Variants in ZNRF2 observed in about 807,000 individuals in gnomAD.
The protein encoded by ZNRF2 is E3 ubiquitin-protein ligase ZNRF2.
In ZNRF2, 16 loss-of-function variants were observed where a neutral mutation model predicts 20.4. The ratio of observed to expected loss-of-function variants is 0.79; its 90% confidence interval spans 0.53 to 1.19. The LOEUF is 1.19. ZNRF2 is among the 50% of genes most tolerant of loss of function. The pLI is 0.00. For missense variants in ZNRF2, 363 were observed against 332.4 expected (o/e 1.09, Z -0.72); for synonymous variants, 178 against 144.9 (o/e 1.23, Z -1.64).
chr7:30,329,437 C>A (rs1799603018), intron 2 of ZNRF2, among the ~76,000 whole-genome samples: 1 of 152,046 alleles, frequency 6.6e-6, no homozygotes, highest in South Asian at 2.1e-4. Flanking sequence ...TCTTTATATC[C>A]CCCTTCCCCA....
chr7:30,287,921 T>A lies in ZNRF2; in HGVS notation c.469+2095T>A, dbSNP rs570514129. 1.5e-3 allele frequency among the ~76,000 whole-genome samples: 226 copies of A among 152,318 alleles called. 1 individual carries two copies. Among genetic ancestry groups the A allele is most frequent in the African/African-American group, 4.6e-3 (193 of 41,538 alleles). ...ATGAGGAACCTCAGTTGAGAATTGC[T>A]GGAAAGACATCAGAGAAATTACCTG... On this transcript the variant is annotated intron_variant, in intron 1 of 4. Coordinates refer to ENST00000323037, the MANE Select transcript of ZNRF2 (RefSeq NM_147128.4).
In ZNRF2 at chr7:30,285,357, C is replaced by A. The variant is rs1410119827; in HGVS notation, c.-1C>A. On this transcript the variant is annotated 5_prime_UTR_variant, in exon 1 of 5. Coordinates refer to ENST00000323037, the MANE Select transcript of ZNRF2 (RefSeq NM_147128.4). ...CGGGCCCGGCCCGGGGCAGGGCGGA[C>A]ATGGGCGCCAAACAGAGCGGCCCGG... 4 of 1,179,638 alleles carry A rather than the reference C, an allele frequency of 3.4e-6. No individual in the cohort carries two copies. The East Asian group carries it at 1.7e-4, about 49-fold the overall frequency. 73.1% of individuals were successfully genotyped at this position (1,179,638 alleles called of 1,614,324 possible).
intron 4 of ZNRF2, among the ~76,000 whole-genome samples, chr7:30,364,053 C>T (rs1025422575): frequency 6.6e-6 from 1 of 152,152 alleles, no homozygotes; most frequent in African/African-American, 2.4e-5. Flanking sequence ...AGGTCTAGTC[C>T]TGTGTGGTAC....
Position 30,285,567 on chromosome 7 carries a change from G to GGCCCCGGCA in ZNRF2, c.219_227dup (p.Ala76_Pro78dup), listed in dbSNP as rs982211237. 61 of 978,366 alleles carry GGCCCCGGCA rather than the reference G, an allele frequency of 6.2e-5. No homozygotes were observed. The highest frequency in any genetic ancestry group is 1.0e-3 in the Middle Eastern group (2 of 1,920). 60.6% of individuals were successfully genotyped at this position (978,366 alleles called of 1,614,324 possible). A position where few individuals can be genotyped will look rare whatever the true frequency, so the allele number is the denominator to read the frequency against. ...CCGGCGGCGCCGCGGCGGCCGCGGC[G>GGCCCCGGCA]GCCCCGGCAGCCCCGGCGGCCCCGC... On this transcript the variant is annotated inframe_insertion, in exon 1 of 5. Transcript: ENST00000323037.
At position 30,297,867 on chromosome 7, in the gene ZNRF2, A is replaced by G. The variant is rs201136775; in HGVS notation, c.469+12041A>G. Among the ~76,000 whole-genome samples, 41 of 148,142 alleles carry G rather than the reference A, an allele frequency of 2.8e-4. No individual in the cohort carries two copies. In the East Asian group the frequency reaches 7.7e-3, roughly 28 times the overall value. On this transcript the variant is annotated intron_variant, in intron 1 of 4. Transcript: ENST00000323037. Reference sequence around the variant, plus strand: ...GTTCTTTTTTTCTCTTGAGGGATTTATTTATTTATTTAAAGACAAGGTCTC... The same window carrying G: ...GTTCTTTTTTTCTCTTGAGGGATTTGTTTATTTATTTAAAGACAAGGTCTC...
At position 30,285,322 on chromosome 7, in the gene ZNRF2, G is replaced by A. The variant is rs1435674723; in HGVS notation, c.-36G>A. The A allele has an allele frequency of 1.2e-5, 13 of 1,073,982 alleles. No homozygotes were observed. The highest frequency in any genetic ancestry group is 1.3e-5 in the Non-Finnish European group (12 of 890,742). 66.5% of individuals were successfully genotyped at this position (1,073,982 alleles called of 1,614,324 possible). Reference sequence around the variant, plus strand: ...CGCTCCCGCCCTCCCGGCTCTCGGGGCGCAGCGCGCGGGCCCGGCCCGGGG... The same window carrying A: ...CGCTCCCGCCCTCCCGGCTCTCGGGACGCAGCGCGCGGGCCCGGCCCGGGG... On this transcript the variant is annotated 5_prime_UTR_variant, in exon 1 of 5. Coordinates refer to ENST00000323037, the MANE Select transcript of ZNRF2 (RefSeq NM_147128.4).
chr7:30,288,714 G>A (rs1398416788), intron 1 of ZNRF2: 1 of 152,200 alleles, frequency 6.6e-6, no homozygotes, highest in Non-Finnish European at 1.5e-5. Flanking sequence ...ATTTATATAG[G>A]AGTTTTTAGG....
chr7:30,297,014 G>A (rs1799030851), intron 1 of ZNRF2, among the ~76,000 whole-genome samples: 1 of 152,188 alleles, frequency 6.6e-6, no homozygotes, highest in African/African-American at 2.4e-5. Context: ...TATTTTAGTT[G>A]TGAAGTGTAC....
At chr7:30,340,308 G>A (rs1799775079) in intron 2 of ZNRF2, among the ~76,000 whole-genome samples, 1 of 152,208 alleles carries the variant, frequency 6.6e-6, no homozygotes, top group African/African-American at 2.4e-5. Context: ...GTGAGAGAGA[G>A]CATCCTTGTC....
rs1468987960 is a variant in ZNRF2 at position 30,285,707 on chromosome 7, T to G, written c.350T>G (p.Val117Gly). The change falls in exon 1 of 5, where the codon GTG (valine) becomes GGG (glycine). Residue 117 changes from valine to glycine, a missense_variant. By Grantham distance (109) the Val-to-Gly change is moderately radical. Transcript: ENST00000323037. ...GGCCCGTACGGCTCGCAGGACTCGG[T>G]GCACAGCAGCCCTGAGGACGGCGGC... ...SSGPYGSQDS[V>G]HSSPEDGGGG... 3.4e-6 allele frequency: 5 copies of G among 1,475,150 alleles called. No individual in the cohort carries two copies. The African/African-American group carries it at 7.6e-5, about 22-fold the overall frequency. The allele number at this position is 1,475,150 out of a possible 1,614,324, so 91.4% of individuals were successfully genotyped here.
chr7:30,316,288 CAAAAAAAAAAAAAAA>C (rs60218988), intron 1 of ZNRF2, among the ~76,000 whole-genome samples: 14 of 27,474 alleles, frequency 5.1e-4, no homozygotes, highest in South Asian at 3.6e-3. Flanking sequence ...AACTCCATCT[CAAAAAAAAAAAAAAA>C]AAAAAAAAAA....
intron 2 of ZNRF2, among the ~76,000 whole-genome samples, chr7:30,330,700 T>G (rs184755333): frequency 9.3e-4 from 142 of 152,170 alleles, no homozygotes; most frequent in Admixed American, 9.3e-3. Flanking sequence ...GATTCTCCCC[T>G]CAAAACACAT....
intron 2 of ZNRF2, among the ~76,000 whole-genome samples, chr7:30,342,510 A>G (rs1296200462): frequency 6.6e-6 from 1 of 152,188 alleles, no homozygotes; most frequent in Non-Finnish European, 1.5e-5. Flanking sequence ...TGGATACGAA[A>G]TTCTGGGTTG....
At chr7:30,311,218 G>A (rs1010047516) in intron 1 of ZNRF2, among the ~76,000 whole-genome samples, 1 of 152,032 alleles carries the variant, frequency 6.6e-6, no homozygotes, top group Non-Finnish European at 1.5e-5. Context: ...ATAGGGGTCC[G>A]GCACAAGAAC....
At chr7:30,357,521 A>C (rs574942810) in intron 3 of ZNRF2, among the ~76,000 whole-genome samples, 14 of 152,204 alleles carry the variant, frequency 9.2e-5, no homozygotes, top group African/African-American at 3.4e-4. Context: ...CAATAAGCCA[A>C]GTTTCTTACT....
At position 30,346,706 on chromosome 7, in the gene ZNRF2, A is replaced by G. The variant is rs1366058659; in HGVS notation, c.566-9022A>G. Among the ~76,000 whole-genome samples, 3 of 151,898 alleles carry G rather than the reference A, an allele frequency of 2.0e-5. No homozygotes were observed. The East Asian group carries it at 5.8e-4, about 29-fold the overall frequency. ...GTTTTTTCACTCTATTCCTATCTCT[A>G]ATTCATCCTGCTTGAGACTTCATGA... On this transcript the variant is annotated intron_variant, in intron 2 of 4. Coordinates refer to ENST00000323037, the MANE Select transcript of ZNRF2 (RefSeq NM_147128.4).
chr7:30,323,459 A>C lies in ZNRF2; in HGVS notation c.470-183A>C, dbSNP rs1159625247. Reference sequence around the variant, plus strand: ...TGTTTGATGAGGAGATCATCTTCATAAACTGATACAAAAGTCAGATATTAT... The same window carrying C: ...TGTTTGATGAGGAGATCATCTTCATCAACTGATACAAAAGTCAGATATTAT... On this transcript the variant is annotated intron_variant, in intron 1 of 4. Coordinates refer to ENST00000323037, the MANE Select transcript of ZNRF2 (RefSeq NM_147128.4). 3.9e-5 allele frequency among the ~76,000 whole-genome samples: 6 copies of C among 152,216 alleles called. No individual in the cohort carries two copies. In the East Asian group the frequency reaches 1.2e-3, roughly 29 times the overall value.
At chr7:30,308,373 A>C (rs781563155) in intron 1 of ZNRF2, among the ~76,000 whole-genome samples, 3 of 152,074 alleles carry the variant, frequency 2.0e-5, no homozygotes, top group African/African-American at 7.2e-5. Context: ...TTTTTTGTTA[A>C]TATGTATTCT....
intron 3 of ZNRF2, among the ~76,000 whole-genome samples, chr7:30,360,794 T>C (rs1475256829): frequency 6.6e-6 from 1 of 152,240 alleles, no homozygotes; most frequent in African/African-American, 2.4e-5. Context: ...TAATGCTGTT[T>C]TATGGTAGCA....
Sources: gnomAD v4.1 joint callset for allele counts (sites outside exome capture counted in the v4.1 genomes callset) on GRCh38, gnomAD v4.1.1 for gene constraint, MANE v1.5 for transcripts, NCBI Gene and HGNC (gene_info 2026-07-23, HGNC 2026-07-21) for gene names.